TRIQK: variants seen among roughly 807,000 people sequenced by gnomAD.
TRIQK encodes triple QxxK/R motif-containing protein.
TRIQK carries 10 observed loss-of-function variants against 10.8 expected under a neutral mutation model. The observed-to-expected ratio is 0.92, with a 90% CI of 0.57 to 1.57. TRIQK has a LOEUF of 1.57. Ranked by LOEUF, TRIQK falls within the 40% of genes most tolerant of loss-of-function variation. The pLI is 0.00. For missense variants in TRIQK, 107 were observed against 97.7 expected (o/e 1.09, Z -0.40); for synonymous variants, 33 against 33.7 (o/e 0.98, Z 0.07).
chr8:93,001,339 CT>C (rs1162339591), intron 1 of TRIQK, among the ~76,000 whole-genome samples: 2 of 150,942 alleles, frequency 1.3e-5, no homozygotes, highest in African/African-American at 2.4e-5. Flanking sequence ...AGAGAGGCTA[CT>C]AAATGGGCAA....
intron 3 of TRIQK, among the ~76,000 whole-genome samples, chr8:92,906,826 G>A (rs960255064): frequency 2.0e-5 from 3 of 151,780 alleles, no homozygotes; most frequent in African/African-American, 7.3e-5. Context: ...CTGGGAGGCG[G>A]AGTTTGCAGT....
intron 3 of TRIQK, among the ~76,000 whole-genome samples, chr8:92,898,866 T>TAC (rs1808764665): frequency 7.2e-6 from 1 of 139,650 alleles, no homozygotes. Context: ...TATATATATA[T>TAC]ATATATAGAT....
At chr8:92,964,608 TAAA>T (rs796959876) in intron 1 of TRIQK, among the ~76,000 whole-genome samples, 1 of 138,368 alleles carries the variant, frequency 7.2e-6, no homozygotes. Flanking sequence ...ACCCTAAGAT[TAAA>T]AAAAAAAAAA....
chr8:92,970,571 CAT>C (rs1196167464), upstream of TRIQK, among the ~76,000 whole-genome samples: 2 of 152,016 alleles, frequency 1.3e-5, no homozygotes, highest in South Asian at 2.1e-4. Context: ...AACTTTTTTT[CAT>C]ATGTTTCTTG....
intron 1 of TRIQK, among the ~76,000 whole-genome samples, chr8:92,990,304 TTA>T (rs1321238495): frequency 6.6e-6 from 1 of 152,232 alleles, no homozygotes; most frequent in Non-Finnish European, 1.5e-5. Flanking sequence ...TTCCAGTCAA[TTA>T]TGATACTAAT....
At chr8:92,947,580 G>A (rs766642704) in intron 2 of TRIQK, among the ~76,000 whole-genome samples, 17 of 75,030 alleles carry the variant, frequency 2.3e-4, no homozygotes, top group Admixed American at 1.5e-3. Context: ...GTGAAACTCC[G>A]CCTCAGGAAA....
chr8:92,955,471 A>G (rs1347429091), intron 1 of TRIQK, among the ~76,000 whole-genome samples: 1 of 151,832 alleles, frequency 6.6e-6, no homozygotes, highest in African/African-American at 2.4e-5. Context: ...ACTATAAAAC[A>G]TTTAAAGGAA....
chr8:92,983,842 G>A (rs2130745465), intron 1 of TRIQK, among the ~76,000 whole-genome samples: 1 of 151,960 alleles, frequency 6.6e-6, no homozygotes, highest in South Asian at 2.1e-4. Flanking sequence ...TTTTCTTATG[G>A]TCTTCAAAAT....
chr8:92,906,585 C>T (rs567604506), intron 3 of TRIQK, among the ~76,000 whole-genome samples: 3 of 152,166 alleles, frequency 2.0e-5, no homozygotes, highest in Non-Finnish European at 2.9e-5. Flanking sequence ...GAATGTAACA[C>T]TCATCTTCCC....
chr8:92,920,544 A>AAG (rs1456836579), intron 2 of TRIQK, among the ~76,000 whole-genome samples: 1 of 151,576 alleles, frequency 6.6e-6, no homozygotes, highest in Non-Finnish European at 1.5e-5. Context: ...AGAAAAAAAA[A>AAG]AGAGAGAGAG....
intron 3 of TRIQK, among the ~76,000 whole-genome samples, chr8:92,897,965 T>C (rs1808696710): frequency 1.3e-5 from 2 of 152,104 alleles, no homozygotes; most frequent in African/African-American, 4.8e-5. Context: ...GGGCATGATA[T>C]AGCCCTGCTC....
chr8:92,961,894 T>C (rs937714034), intron 1 of TRIQK, among the ~76,000 whole-genome samples: 1 of 152,208 alleles, frequency 6.6e-6, no homozygotes, highest in African/African-American at 2.4e-5. Flanking sequence ...TTAAAAGTCA[T>C]GTGACTGACA....
chr8:92,925,804 C>T (rs1441167501), intron 2 of TRIQK, among the ~76,000 whole-genome samples: 2 of 152,120 alleles, frequency 1.3e-5, no homozygotes, highest in Non-Finnish European at 2.9e-5. Flanking sequence ...ACTGTTCCTA[C>T]AAAGTTAACT....
chr8:92,949,772 GA>G (rs1811761927), intron 2 of TRIQK, among the ~76,000 whole-genome samples: 19 of 89,626 alleles, frequency 2.1e-4, no homozygotes, highest in African/African-American at 9.5e-4. Context: ...GAAAGAGAAG[GA>G]AAGAAAGAAA....
chr8:92,935,190 AG>A (rs1810922042), intron 2 of TRIQK, among the ~76,000 whole-genome samples: 1 of 151,716 alleles, frequency 6.6e-6, no homozygotes, highest in Non-Finnish European at 1.5e-5. Flanking sequence ...AAGAGTATTC[AG>A]TCTCACAAAA....
At chr8:92,904,081 T>C (rs778288399) in intron 3 of TRIQK, among the ~76,000 whole-genome samples, 2 of 152,042 alleles carry the variant, frequency 1.3e-5, no homozygotes, top group African/African-American at 2.4e-5. Context: ...ATTGGAAATA[T>C]TGAAGTGCAA....
chr8:92,927,363 G>C (rs1354490503), intron 2 of TRIQK, among the ~76,000 whole-genome samples: 1 of 151,980 alleles, frequency 6.6e-6, no homozygotes, highest in African/African-American at 2.4e-5. Flanking sequence ...TAGTGGTTTA[G>C]AGTTAAGCAG....
At chr8:92,966,312 T>C (rs1411760555), upstream of TRIQK, among the ~76,000 whole-genome samples, 1 of 152,180 alleles carries the variant, frequency 6.6e-6, no homozygotes, top group Non-Finnish European at 1.5e-5. Flanking sequence ...GAGGTGACTG[T>C]AGAAATTAAA....
At chr8:92,999,803 T>A (rs886293909) in intron 1 of TRIQK, among the ~76,000 whole-genome samples, 3 of 152,146 alleles carry the variant, frequency 2.0e-5, no homozygotes, top group African/African-American at 7.2e-5. Context: ...TGAGAGTAAT[T>A]TTTTCTCCTT....
Sources: gnomAD v4.1 joint callset for allele counts (sites outside exome capture counted in the v4.1 genomes callset) on GRCh38, gnomAD v4.1.1 for gene constraint, MANE v1.5 for transcripts, NCBI Gene and HGNC (gene_info 2026-07-23, HGNC 2026-07-21) for gene names.